Variants in LMNTD1 observed in about 807,000 individuals in gnomAD.
LMNTD1 encodes the protein lamin tail domain containing 1.
LMNTD1 carries 35 observed loss-of-function variants against 50.9 expected under a neutral mutation model. The ratio of observed to expected loss-of-function variants is 0.69; its 90% CI spans 0.53 to 0.91. LMNTD1 has a LOEUF of 0.91. Among genes scored for constraint, LMNTD1 ranks in the 40% least tolerant of loss-of-function variants. The probability of loss-of-function intolerance (pLI) is 0.00; values close to 1 mark genes in which losing one functional copy is unlikely to be tolerated. For missense variants in LMNTD1, 470 were observed against 475.5 expected (o/e 0.99, Z 0.11); for synonymous variants, 153 against 161.9 (o/e 0.94, Z 0.42).
At position 25,597,593 on chromosome 12, in the gene LMNTD1, G is replaced by T. The variant is rs148663440; in HGVS notation, c.58+50901C>A. Among the ~76,000 whole-genome samples, 173 of 152,150 alleles carry T rather than the reference G, an allele frequency of 1.1e-3. 1 individual carries two copies. The East Asian group carries it at 0.026, about 23-fold the overall frequency. On this transcript the variant is annotated intron_variant, in intron 1 of 7. Coordinates refer to the LMNTD1 transcript ENST00000445693. ...CTTTCAACACTGGACAGACCTTCCA[G>T]ACATGAAATCAACAAAGAAACATCA... is the stretch of plus-strand genomic sequence containing the variant.
Position 25,549,511 on chromosome 12 carries a change from T to G in LMNTD1, c.125A>C (p.His42Pro), listed in dbSNP as rs1295180824. The G allele has an allele frequency of 3.7e-6, 6 of 1,612,174 alleles. No individual in the cohort carries two copies. Among genetic ancestry groups the G allele is most frequent in the Non-Finnish European group, 5.1e-6 (6 of 1,178,596 alleles). The change falls in exon 3 of 10, where the codon CAT (histidine) becomes CCT (proline). Residue 42 changes from histidine to proline, a missense_variant. By Grantham distance (77) the His-to-Pro change is moderately conservative (BLOSUM62 -2). Transcript: ENST00000458174. ...EDKLGVYSLV[H>P]FSPKMLGSVA... Reference sequence around the variant, plus strand: ...TGAACCCAACATCTTTGGGGAAAAATGTACTAAAGAATATACTCCAAGTTT... The same window carrying G: ...TGAACCCAACATCTTTGGGGAAAAAGGTACTAAAGAATATACTCCAAGTTT...
chr12:25,522,732 C>T (rs1433576375), intron 6 of LMNTD1, among the ~76,000 whole-genome samples: 2 of 152,126 alleles, frequency 1.3e-5, no homozygotes, highest in Non-Finnish European at 2.9e-5. Context: ...AAACATGAGA[C>T]ATTTATTAAT....
intron 6 of LMNTD1, among the ~76,000 whole-genome samples, chr12:25,524,339 A>G (rs1941559486): frequency 6.6e-6 from 1 of 152,136 alleles, no homozygotes; most frequent in East Asian, 1.9e-4. Context: ...TACGAAATAT[A>G]TTTAAATATT....
intron 4 of LMNTD1, among the ~76,000 whole-genome samples, chr12:25,532,431 C>G (rs970443401): frequency 6.6e-6 from 1 of 152,088 alleles, no homozygotes; most frequent in African/African-American, 2.4e-5. Flanking sequence ...TAAATGCCAA[C>G]TTTTATTCAC....
intron 9 of LMNTD1, among the ~76,000 whole-genome samples, chr12:25,477,877 A>G (rs938077609): frequency 6.6e-6 from 1 of 152,150 alleles, no homozygotes; most frequent in Non-Finnish European, 1.5e-5. Context: ...GTCCCACAAT[A>G]TAGGCTGTCT....
At chr12:25,527,746 A>ATG (rs1941917739) in intron 4 of LMNTD1, among the ~76,000 whole-genome samples, 1 of 143,906 alleles carries the variant, frequency 6.9e-6, no homozygotes, top group Non-Finnish European at 1.5e-5. Flanking sequence ...ATACATATAT[A>ATG]TGTATATCTA....
chr12:25,538,680 A>G (rs1250626164), intron 4 of LMNTD1, among the ~76,000 whole-genome samples: 2 of 122,972 alleles, frequency 1.6e-5, no homozygotes, highest in African/African-American at 5.8e-5. Flanking sequence ...GAGCAAAATA[A>G]CCAGCTAACA....
chr12:25,477,778 T>C (rs1016481043), intron 9 of LMNTD1, among the ~76,000 whole-genome samples: 1 of 152,026 alleles, frequency 6.6e-6, no homozygotes, highest in African/African-American at 2.4e-5. Context: ...ACCATATATA[T>C]ACATATATAT....
chr12:25,589,108 C>A lies in LMNTD1; in HGVS notation c.59-42554G>T, dbSNP rs1014284272. On this transcript the variant is annotated intron_variant, in intron 1 of 7. Coordinates refer to the LMNTD1 transcript ENST00000445693. Reference sequence around the variant, plus strand: ...GTACCCATAACCCAGCCATTACTGTCCAAGGTACATGTACAATGACGTTCA... The same window carrying A: ...GTACCCATAACCCAGCCATTACTGTACAAGGTACATGTACAATGACGTTCA... 3.3e-5 allele frequency among the ~76,000 whole-genome samples: 5 copies of A among 152,084 alleles called. No homozygotes were observed. In the South Asian group the frequency reaches 1.0e-3, roughly 32 times the overall value.
Position 25,476,159 on chromosome 12 carries a change from C to A in LMNTD1, c.*324G>T, listed in dbSNP as rs1210345889. The stretch of plus-strand genomic sequence containing the variant: ...GCTCTTCTTTTGTGAGTTCTGTACC[C>A]AAAATAACTTTGTTTACAAAAAGAG... On this transcript the variant is annotated 3_prime_UTR_variant, in exon 10 of 10. Transcript: ENST00000458174. 1 of 152,066 alleles carries A rather than the reference C, an allele frequency of 6.6e-6. No individual in the cohort carries two copies. The highest frequency in any genetic ancestry group is 6.6e-5 in the Admixed American group (1 of 15,248). 9.4% of individuals were successfully genotyped at this position (152,066 alleles called of 1,614,324 possible). A position where few individuals can be genotyped will look rare whatever the true frequency, so the allele number is the denominator to read the frequency against.
chr12:25,541,094 A>G (rs948529518), intron 4 of LMNTD1, among the ~76,000 whole-genome samples: 2 of 87,096 alleles, frequency 2.3e-5, no homozygotes, highest in Non-Finnish European at 5.8e-5. Context: ...AACAAATGGA[A>G]GAACATTCCA....
At chr12:25,515,403 C>T (rs190365194) in intron 8 of LMNTD1, among the ~76,000 whole-genome samples, 247 of 151,980 alleles carry the variant, frequency 1.6e-3, no homozygotes, top group African/African-American at 5.6e-3. Flanking sequence ...GCACATTTAG[C>T]ATGATGCCAT....
intron 1 of LMNTD1, among the ~76,000 whole-genome samples, chr12:25,637,990 C>G (rs541206749): frequency 3.9e-5 from 6 of 151,934 alleles, no homozygotes; most frequent in Admixed American, 1.3e-4. Flanking sequence ...AACACATACA[C>G]CATGACTAAG....
chr12:25,603,401 T>C (rs1189474264), intron 1 of LMNTD1, among the ~76,000 whole-genome samples: 1 of 152,088 alleles, frequency 6.6e-6, no homozygotes, highest in Non-Finnish European at 1.5e-5. Context: ...ATCTGCCTTT[T>C]GAAGTCAGAT....
chr12:25,598,286 A>G (rs1261491791), intron 1 of LMNTD1, among the ~76,000 whole-genome samples: 2 of 152,134 alleles, frequency 1.3e-5, no homozygotes, highest in Non-Finnish European at 2.9e-5. Context: ...AATTAAAAAG[A>G]AAATTGAAAA....
In LMNTD1 at chr12:25,534,516, G is replaced by A. The variant is rs146031460; in HGVS notation, c.492-7561C>T. Among the ~76,000 whole-genome samples the A allele has an allele frequency of 6.3e-3, 957 of 152,260 alleles. 3 individuals are homozygous for A. The highest frequency in any genetic ancestry group is 7.7e-3 in the South Asian group (37 of 4,826). On this transcript the variant is annotated intron_variant, in intron 4 of 9. Transcript: ENST00000458174. ...GGAGATGGAGCTGAGAGTCTGGGGA[G>A]ACCAAGGTGGCTGGAGGTCACAAGG...
At chr12:25,518,171 T>C (rs758286458) in intron 8 of LMNTD1, among the ~76,000 whole-genome samples, 1 of 152,232 alleles carries the variant, frequency 6.6e-6, no homozygotes, top group Non-Finnish European at 1.5e-5. Context: ...TGGTTCCTTC[T>C]TGGCTTTATG....
In LMNTD1 at chr12:25,517,499, T is replaced by C. The variant is rs1221961856; in HGVS notation, c.1189+1296A>G. ...GCATCTTCTCACTCATAGGTGGGAA[T>C]TGAACAATGAGAACACATGGACACA... On this transcript the variant is annotated intron_variant, in intron 8 of 9. Transcript: ENST00000458174. 4.3e-4 allele frequency among the ~76,000 whole-genome samples: 15 copies of C among 35,018 alleles called. 4 individuals are homozygous for C. In the East Asian group the frequency reaches 0.019, roughly 44 times the overall value. 23.0% of individuals were successfully genotyped at this position (35,018 alleles called of 152,430 possible).
At chr12:25,587,330 G>C (rs1945560434) in intron 1 of LMNTD1, among the ~76,000 whole-genome samples, 1 of 152,250 alleles carries the variant, frequency 6.6e-6, no homozygotes, top group African/African-American at 2.4e-5. Context: ...TTGGCTCACT[G>C]TTCTGCAAGC....
Sources: allele counts gnomAD v4.1 joint callset (sites outside exome capture counted in the v4.1 genomes callset), GRCh38; gene constraint gnomAD v4.1.1; transcripts MANE v1.5; gene names NCBI Gene and HGNC (gene_info 2026-07-23, HGNC 2026-07-21).